Variants in ACER3 observed in about 807,000 individuals in gnomAD.
ACER3 encodes the protein alkCDase 3.
In ACER3, 16 loss-of-function variants were observed where a neutral mutation model predicts 48.9. The ratio of observed to expected loss-of-function variants is 0.33; its 90% confidence interval spans 0.22 to 0.50. The LOEUF is 0.50. Among genes scored for constraint, ACER3 ranks in the 20% least tolerant of loss-of-function variants. ACER3 has a pLI of 0.98. For missense variants in ACER3, 227 were observed against 326.0 expected (o/e 0.70, Z 2.34); for synonymous variants, 109 against 107.8 (o/e 1.01, Z -0.07).
intron 1 of ACER3, among the ~76,000 whole-genome samples, chr11:76,909,723 G>A (rs1946321646): frequency 6.6e-6 from 1 of 152,120 alleles, no homozygotes; most frequent in Non-Finnish European, 1.5e-5. Flanking sequence ...GATTCCTCAA[G>A]GATCTAGAAC....
intron 2 of ACER3, 49 bp downstream of exon 2, chr11:76,926,716 AT>A: frequency 3.4e-6 from 4 of 1,181,386 alleles, no homozygotes; most frequent in Admixed American, 2.2e-5. Flanking sequence ...CAAATGGGCC[AT>A]TTTTCTCATT....
chr11:76,929,916 T>C (rs1946947155), intron 2 of ACER3, among the ~76,000 whole-genome samples: 1 of 152,204 alleles, frequency 6.6e-6, no homozygotes, highest in South Asian at 2.1e-4. Context: ...TCAGATATAT[T>C]GGTCTAAAAT....
intron 2 of ACER3, among the ~76,000 whole-genome samples, chr11:76,949,580 T>C (rs908872613): frequency 6.6e-6 from 1 of 152,070 alleles, no homozygotes; most frequent in Non-Finnish European, 1.5e-5. Context: ...AATTTCTAAT[T>C]TTTATAAATT....
chr11:76,958,149 A>G lies in ACER3; in HGVS notation c.215-830A>G, dbSNP rs147571187. On this transcript the variant is annotated intron_variant, in intron 2 of 10. Coordinates refer to ENST00000532485, the MANE Select transcript of ACER3 (RefSeq NM_018367.7). ...TTTCCCAGTCTGTAACAGATATCCAACCACACCTAATTCAACATGATTTTT... is the reference window on the plus strand; with the variant it reads ...TTTCCCAGTCTGTAACAGATATCCAGCCACACCTAATTCAACATGATTTTT... Among the ~76,000 whole-genome samples, 4 of 148,816 alleles carry G rather than the reference A, an allele frequency of 2.7e-5. No homozygotes were observed. The East Asian group carries it at 7.9e-4, about 29-fold the overall frequency.
At position 76,877,503 on chromosome 11, in the gene ACER3, G is replaced by T. The variant is rs1945411144; in HGVS notation, c.103+16424G>T. 2.0e-5 allele frequency among the ~76,000 whole-genome samples: 3 copies of T among 151,994 alleles called. No homozygotes were observed. In the South Asian group the frequency reaches 6.2e-4, roughly 32 times the overall value. ...TCTAAGCTATTTCACCTTCTGAGTA[G>T]CAATTTTTCCTTTTTTTCCCCCCCA... On this transcript the variant is annotated intron_variant, in intron 1 of 10. Coordinates refer to ENST00000532485, the MANE Select transcript of ACER3 (RefSeq NM_018367.7).
chr11:76,962,695 TAAAG>T (rs1948028560), intron 3 of ACER3, among the ~76,000 whole-genome samples: 1 of 151,334 alleles, frequency 6.6e-6, no homozygotes, highest in Non-Finnish European at 1.5e-5. Flanking sequence ...ATAATGAAAG[TAAAG>T]AAATTTATTG....
chr11:76,950,602 T>G (rs998655257), intron 2 of ACER3, among the ~76,000 whole-genome samples: 3 of 150,960 alleles, frequency 2.0e-5, no homozygotes, highest in African/African-American at 4.9e-5. Context: ...GCTGGGACCA[T>G]AGGCGTGCAC....
In ACER3 at chr11:77,016,769, AT is replaced by A. The variant is rs781951108; in HGVS notation, c.695del (p.Ile232ThrfsTer12). On this transcript the variant is annotated frameshift_variant, in exon 9 of 11. Transcript: ENST00000532485. LOFTEE classifies it high-confidence loss of function. ...ILTGLGSYLHILFSLYTRTLY... is the reference protein window; with the variant it reads ...ILTGLGSYLHXLFSLYTRTLY... Reference sequence around the variant, plus strand: ...AACTGGCCTTGGTTCCTATCTTCACATCCTTTTCAGGTAGGAAATAGAGACT... The same window carrying A: ...AACTGGCCTTGGTTCCTATCTTCACACCTTTTCAGGTAGGAAATAGAGACT... 6.3e-7 allele frequency: 1 copy of A among 1,577,930 alleles called. No homozygotes were observed. The highest frequency in any genetic ancestry group is 8.7e-7 in the Non-Finnish European group (1 of 1,155,750).
intron 1 of ACER3, chr11:76,868,385 CTCTCTCT>C: frequency 5.3e-5 from 29 of 544,734 alleles, no homozygotes; most frequent in Non-Finnish European, 7.3e-5. Context: ...ATCTCTCTCT[CTCTCTCT>C]GTGTGTGTGT....
chr11:76,940,928 T>C (rs1214159106), intron 2 of ACER3, among the ~76,000 whole-genome samples: 2 of 151,974 alleles, frequency 1.3e-5, no homozygotes, highest in Non-Finnish European at 2.9e-5. Flanking sequence ...CTCTAAACAT[T>C]AGGCAAATTT....
chr11:76,934,424 G>A (rs557322551), intron 2 of ACER3, among the ~76,000 whole-genome samples: 40 of 152,342 alleles, frequency 2.6e-4, no homozygotes, highest in East Asian at 1.7e-3. Context: ...ACGAGACTCC[G>A]TCTGCAATCC....
In ACER3 at chr11:77,021,606, T is replaced by G. The variant is rs145237694; in HGVS notation, c.*1279T>G. The G allele has an allele frequency of 1.1e-3, 175 of 152,328 alleles. No homozygotes were observed. The highest frequency in any genetic ancestry group is 4.2e-3 in the African/African-American group (173 of 41,570). The allele number at this position is 152,328 out of a possible 1,614,324, so 9.4% of individuals were successfully genotyped here. On this transcript the variant is annotated 3_prime_UTR_variant, in exon 11 of 11. Transcript: ENST00000532485. ...TAGCATTTTTATGACTTTTTTTGCT[T>G]TATATAAATTATTGTAAAATCCAGA...
chr11:76,910,155 G>A (rs1199011727), intron 1 of ACER3, among the ~76,000 whole-genome samples: 1 of 152,006 alleles, frequency 6.6e-6, no homozygotes, highest in Non-Finnish European at 1.5e-5. Flanking sequence ...GATAGCATTA[G>A]GAGAAATACC....
intron 1 of ACER3, among the ~76,000 whole-genome samples, chr11:76,915,470 C>T (rs537300396): frequency 1.3e-5 from 2 of 152,100 alleles, no homozygotes; most frequent in Admixed American, 6.5e-5. Context: ...CCATTTTTGT[C>T]TCGATGTTAA....
intron 2 of ACER3, among the ~76,000 whole-genome samples, chr11:76,935,933 A>G (rs1272831263): frequency 3.3e-5 from 5 of 152,188 alleles, no homozygotes; most frequent in Non-Finnish European, 7.4e-5. Context: ...TACCAGCCAC[A>G]CTGTACTAGA....
chr11:76,881,425 A>G (rs190165765), intron 1 of ACER3, among the ~76,000 whole-genome samples: 2 of 152,036 alleles, frequency 1.3e-5, no homozygotes, highest in African/African-American at 4.8e-5. Flanking sequence ...TTAACAAATT[A>G]TTTGAATATT....
chr11:76,941,039 A>G (rs528929294), intron 2 of ACER3, among the ~76,000 whole-genome samples: 47 of 136,918 alleles, frequency 3.4e-4, no homozygotes, highest in African/African-American at 1.4e-3. Flanking sequence ...ACACACACAC[A>G]CGCACACACA....
chr11:76,959,846 A>T (rs933662765), intron 3 of ACER3, among the ~76,000 whole-genome samples: 5 of 151,884 alleles, frequency 3.3e-5, no homozygotes, highest in African/African-American at 1.2e-4. Flanking sequence ...GAGCCACCGC[A>T]CCCGGCCGTT....
At chr11:76,863,370 T>A (rs537640373) in intron 1 of ACER3, among the ~76,000 whole-genome samples, 15 of 152,310 alleles carry the variant, frequency 9.8e-5, no homozygotes, top group Middle Eastern at 3.4e-3. Flanking sequence ...GAGGAAACTC[T>A]GAGCAGACTG....
Sources: allele counts gnomAD v4.1 joint callset (sites outside exome capture counted in the v4.1 genomes callset), GRCh38; gene constraint gnomAD v4.1.1; transcripts MANE v1.5; gene names NCBI Gene and HGNC (gene_info 2026-07-23, HGNC 2026-07-21).